SAMD12: variants seen among roughly 807,000 people sequenced by gnomAD.
The protein encoded by SAMD12 is sterile alpha motif domain containing 12.
SAMD12 carries 9 observed loss-of-function variants against 15.0 expected under a neutral mutation model. The ratio of observed to expected loss-of-function variants is 0.60; its 90% CI spans 0.36 to 1.05. The LOEUF (loss-of-function observed/expected upper bound fraction) is 1.05. Among genes scored for constraint, SAMD12 ranks in the 50% least tolerant of loss-of-function variants. The pLI is 0.01. For missense variants in SAMD12, 230 were observed against 234.2 expected, an observed-to-expected ratio of 0.98 and a Z score of 0.12; for synonymous variants, 86 against 90.1, an observed-to-expected ratio of 0.96 and a Z score of 0.25.
chr8:118,515,607 C>G (rs148990322), intron 2 of SAMD12, among the ~76,000 whole-genome samples: 354 of 152,254 alleles, frequency 2.3e-3, no homozygotes, highest in African/African-American at 7.9e-3. Flanking sequence ...GCTGTCCTCA[C>G]TAAAGGTGAC....
chr8:118,427,410 G>A (rs542399830), intron 3 of SAMD12, among the ~76,000 whole-genome samples: 1 of 152,142 alleles, frequency 6.6e-6, no homozygotes, highest in Non-Finnish European at 1.5e-5. Flanking sequence ...GTTTGACAAA[G>A]ATACAAAACA....
chr8:118,457,914 G>A (rs547615078), intron 2 of SAMD12, among the ~76,000 whole-genome samples: 70 of 152,274 alleles, frequency 4.6e-4, no homozygotes, highest in Non-Finnish European at 7.6e-4. Context: ...GTCTTTGAGG[G>A]TGACCGGCCT....
the SAMD12 span, among the ~76,000 whole-genome samples, chr8:118,146,795 A>G: frequency 6.6e-6 from 1 of 152,230 alleles, no homozygotes; most frequent in East Asian, 1.9e-4. Context: ...AAAAGAGCCA[A>G]GAATGTTTTT....
At chr8:118,260,006 C>T (rs1813040478) in intron 4 of SAMD12, among the ~76,000 whole-genome samples, 2 of 152,048 alleles carry the variant, frequency 1.3e-5, no homozygotes, top group Non-Finnish European at 2.9e-5. Flanking sequence ...TCACACATGC[C>T]AAATGTTATT....
At chr8:118,559,283 T>A (rs1325038745) in intron 2 of SAMD12, among the ~76,000 whole-genome samples, 1 of 152,206 alleles carries the variant, frequency 6.6e-6, no homozygotes, top group Admixed American at 6.5e-5. Context: ...AAGGGCAGAC[T>A]CTTTAGATCA....
intron 4 of SAMD12, among the ~76,000 whole-genome samples, chr8:118,204,133 T>C (rs1213699803): frequency 6.6e-6 from 1 of 152,210 alleles, no homozygotes; most frequent in Non-Finnish European, 1.5e-5. Context: ...AAATCATTTC[T>C]AACTTTTAGA....
intron 3 of SAMD12, among the ~76,000 whole-genome samples, chr8:118,437,091 A>C (rs938276280): frequency 2.9e-4 from 44 of 151,916 alleles, no homozygotes; most frequent in African/African-American, 9.9e-4. Context: ...AGTTTTACAA[A>C]CCTCTTTGCC....
chr8:118,462,205 T>C (rs1359702895), intron 2 of SAMD12, among the ~76,000 whole-genome samples: 1 of 152,218 alleles, frequency 6.6e-6, no homozygotes, highest in Non-Finnish European at 1.5e-5. Flanking sequence ...TCTGATTATA[T>C]GATTCCTTTA....
chr8:118,475,385 G>A (rs934561244), intron 2 of SAMD12, among the ~76,000 whole-genome samples: 2 of 152,190 alleles, frequency 1.3e-5, no homozygotes, highest in African/African-American at 4.8e-5. Context: ...ACTAGATGCA[G>A]ATGCCAGGGC....
chr8:118,206,656 T>G (rs1451269788), intron 4 of SAMD12, among the ~76,000 whole-genome samples: 1 of 152,236 alleles, frequency 6.6e-6, no homozygotes, highest in African/African-American at 2.4e-5. Flanking sequence ...TTAGAATCAC[T>G]GATGCGCTGT....
intron 2 of SAMD12, among the ~76,000 whole-genome samples, chr8:118,472,330 C>CT (rs1257293115): frequency 6.6e-6 from 1 of 151,840 alleles, no homozygotes; most frequent in Non-Finnish European, 1.5e-5. Flanking sequence ...TGCCAAGCAC[C>CT]TTTCAGACTG....
intron 4 of SAMD12, among the ~76,000 whole-genome samples, chr8:118,286,330 A>G (rs568216769): frequency 1.4e-3 from 206 of 152,058 alleles, no homozygotes; most frequent in South Asian, 4.2e-3. Flanking sequence ...AAAAAAAAGA[A>G]AGCAAGCTGT....
intron 4 of SAMD12, among the ~76,000 whole-genome samples, chr8:118,246,472 GA>G (rs1190601675): frequency 6.6e-6 from 1 of 152,162 alleles, no homozygotes; most frequent in African/African-American, 2.4e-5. Context: ...AGTTAGCCAG[GA>G]AGACAGGGTC....
chr8:118,292,729 T>A (rs1814472462), intron 4 of SAMD12, among the ~76,000 whole-genome samples: 1 of 151,892 alleles, frequency 6.6e-6, no homozygotes. Context: ...CCATAAAAAA[T>A]GATGAGTTCA....
intron 3 of SAMD12, among the ~76,000 whole-genome samples, chr8:118,416,210 G>A (rs949827128): frequency 4.6e-5 from 7 of 152,196 alleles, no homozygotes; most frequent in African/African-American, 1.7e-4. Flanking sequence ...AATGCTGGAT[G>A]TAGAGGAAAA....
At chr8:118,598,000 G>A (rs1827765623) in intron 1 of SAMD12, among the ~76,000 whole-genome samples, 1 of 152,162 alleles carries the variant, frequency 6.6e-6, no homozygotes, top group Non-Finnish European at 1.5e-5. Context: ...AGAATAGGAT[G>A]CCTCTTCTGT....
At chr8:118,409,162 CTG>C (rs1821277060) in intron 3 of SAMD12, among the ~76,000 whole-genome samples, 1 of 152,046 alleles carries the variant, frequency 6.6e-6, no homozygotes, top group African/African-American at 2.4e-5. Flanking sequence ...GGAGGAAAAA[CTG>C]TTAATCTTCA....
intron 2 of SAMD12, among the ~76,000 whole-genome samples, chr8:118,477,083 T>C (rs897706101): frequency 2.3e-5 from 3 of 133,074 alleles, no homozygotes; most frequent in African/African-American, 8.4e-5. Flanking sequence ...TTTTTTTTTT[T>C]GAGTTGGAGT....
chr8:118,403,855 C>G (rs1820987781), intron 3 of SAMD12, among the ~76,000 whole-genome samples: 1 of 152,210 alleles, frequency 6.6e-6, no homozygotes, highest in Non-Finnish European at 1.5e-5. Context: ...TAACTTGAAT[C>G]TAGATGGCCA....
Sources: allele counts gnomAD v4.1 joint callset (sites outside exome capture counted in the v4.1 genomes callset), GRCh38; gene constraint gnomAD v4.1.1; transcripts MANE v1.5; gene names NCBI Gene and HGNC (gene_info 2026-07-23, HGNC 2026-07-21).